PTBP3: variants seen among roughly 807,000 people sequenced by gnomAD.
PTBP3 encodes polypyrimidine tract binding protein 3.
PTBP3 carries 20 observed loss-of-function variants against 58.7 expected under a neutral mutation model. The ratio of observed to expected loss-of-function variants is 0.34; its 90% CI spans 0.24 to 0.50. PTBP3 has a LOEUF of 0.50. PTBP3 is among the 20% of genes least tolerant of loss of function. The pLI, the probability that PTBP3 is intolerant of heterozygous loss-of-function variation, is 0.98. For missense variants in PTBP3, 509 were observed against 637.2 expected (o/e 0.80, Z 2.17); for synonymous variants, 185 against 219.8 (o/e 0.84, Z 1.40).
At chr9:112,344,339 T>C in the PTBP3 span, among the ~76,000 whole-genome samples, 1 of 152,186 alleles carries the variant, frequency 6.6e-6, no homozygotes, top group African/African-American at 2.4e-5. Context: ...TAGGGGGAAT[T>C]AATGCCATTC....
chr9:112,317,914 G>A (rs1014763560), intron 1 of PTBP3, among the ~76,000 whole-genome samples: 4 of 152,176 alleles, frequency 2.6e-5, no homozygotes, highest in African/African-American at 9.7e-5. Context: ...CTGCACTCCA[G>A]CCTGGGTGAC....
chr9:112,309,955 T>C (rs553972213), intron 1 of PTBP3, among the ~76,000 whole-genome samples: 2 of 152,298 alleles, frequency 1.3e-5, no homozygotes, highest in East Asian at 1.9e-4. Flanking sequence ...CCTGTAACTA[T>C]AAACACATCT....
rs1415550725 is a variant in PTBP3 at position 112,324,636 on chromosome 9, C to T, written c.-52+8834G>A. 4.4e-4 allele frequency among the ~76,000 whole-genome samples: 65 copies of T among 149,018 alleles called. 1 individual carries two copies. Among genetic ancestry groups the T allele is most frequent in the Non-Finnish European group, 8.9e-5 (6 of 67,582 alleles). On this transcript the variant is annotated intron_variant, in intron 1 of 13. Coordinates refer to ENST00000374257, the MANE Select transcript of PTBP3 (RefSeq NM_001163788.4). ...CTGCACTCCAGCCTGGGTGACAGAG[C>T]GAGACTACCTCTTTTTTTTTTTTTT...
chr9:112,317,975 C>G (rs961314660), intron 1 of PTBP3, among the ~76,000 whole-genome samples: 2 of 152,034 alleles, frequency 1.3e-5, no homozygotes, highest in Non-Finnish European at 2.9e-5. Context: ...CCATTATGAA[C>G]AACTTTACAT....
At chr9:112,355,971 T>C in the PTBP3 span, among the ~76,000 whole-genome samples, 1 of 151,542 alleles carries the variant, frequency 6.6e-6, no homozygotes, top group Non-Finnish European at 1.5e-5. Flanking sequence ...TTTCTCTTTC[T>C]CCTTCCTTCC....
At chr9:112,264,123 G>A (rs1836706452) in intron 4 of PTBP3, among the ~76,000 whole-genome samples, 1 of 152,086 alleles carries the variant, frequency 6.6e-6, no homozygotes, top group South Asian at 2.1e-4. Context: ...GTATGATCAG[G>A]AAAACAAATT....
intron 7 of PTBP3, among the ~76,000 whole-genome samples, chr9:112,249,436 G>A (rs1446517951): frequency 6.6e-6 from 1 of 152,102 alleles, no homozygotes; most frequent in Non-Finnish European, 1.5e-5. Flanking sequence ...AGCCAGTGAA[G>A]TAGGAAGAAA....
At chr9:112,252,196 A>G (rs893159492) in intron 6 of PTBP3, 1 of 153,800 alleles carries the variant, frequency 6.5e-6, no homozygotes, top group African/African-American at 2.4e-5. Context: ...ACAGGAATAA[A>G]CATTGAATAC....
At chr9:112,235,235 C>A (rs1455682095) in intron 7 of PTBP3, among the ~76,000 whole-genome samples, 1 of 151,960 alleles carries the variant, frequency 6.6e-6, no homozygotes, top group African/African-American at 2.4e-5. Flanking sequence ...GGTAACTATG[C>A]TGATTTAAAA....
At chr9:112,233,838 T>TG (rs1469846987) in intron 8 of PTBP3, among the ~76,000 whole-genome samples, 1 of 151,818 alleles carries the variant, frequency 6.6e-6, no homozygotes, top group Non-Finnish European at 1.5e-5. Context: ...GGCTGAGGCA[T>TG]GAGAATCATT....
intron 1 of PTBP3, among the ~76,000 whole-genome samples, chr9:112,313,268 A>G (rs964291755): frequency 3.3e-5 from 5 of 152,164 alleles, no homozygotes; most frequent in Non-Finnish European, 7.4e-5. Flanking sequence ...GCAGTGATGT[A>G]ATCACAGCTC....
chr9:112,359,465 A>G, the PTBP3 span, among the ~76,000 whole-genome samples: 1 of 151,622 alleles, frequency 6.6e-6, no homozygotes, highest in African/African-American at 2.4e-5. Flanking sequence ...AAAAAGTTTT[A>G]GATGTAAACG....
the PTBP3 span, among the ~76,000 whole-genome samples, chr9:112,349,064 G>C: frequency 5.9e-5 from 9 of 152,270 alleles, no homozygotes; most frequent in East Asian, 1.7e-3. Flanking sequence ...AGTGTCTTTT[G>C]TTATTTATCA....
chr9:112,231,959 GAAGAGAA>G (rs1835228347), intron 9 of PTBP3, 133 bp downstream of exon 9: 1 of 364,506 alleles, frequency 2.7e-6, no homozygotes. Flanking sequence ...GAAGAGAAGA[GAAGAGAA>G]GAGAGAAGAG....
intron 1 of PTBP3, among the ~76,000 whole-genome samples, chr9:112,320,157 A>G (rs991888092): frequency 6.6e-6 from 1 of 151,572 alleles, no homozygotes; most frequent in African/African-American, 2.4e-5. Flanking sequence ...TGCACCCTAT[A>G]GGCCTAGCTA....
At chr9:112,279,665 C>T (rs1404099405) in intron 2 of PTBP3, among the ~76,000 whole-genome samples, 2 of 151,896 alleles carry the variant, frequency 1.3e-5, no homozygotes, top group Non-Finnish European at 2.9e-5. Context: ...CCACCCCAGG[C>T]AATCTGAACC....
chr9:112,326,595 A>G (rs1370817618), intron 1 of PTBP3, among the ~76,000 whole-genome samples: 1 of 152,232 alleles, frequency 6.6e-6, no homozygotes, highest in Non-Finnish European at 1.5e-5. Context: ...CATATATGTG[A>G]GTTTTTCATA....
chr9:112,326,096 A>G (rs1192185142), intron 1 of PTBP3, among the ~76,000 whole-genome samples: 1 of 152,218 alleles, frequency 6.6e-6, no homozygotes, highest in Non-Finnish European at 1.5e-5. Context: ...GAAAGAGGCA[A>G]CAGGGAACTT....
the PTBP3 span, among the ~76,000 whole-genome samples, chr9:112,346,139 C>T: frequency 7.2e-6 from 1 of 139,242 alleles, no homozygotes; most frequent in East Asian, 2.1e-4. Flanking sequence ...GAGATCTTGG[C>T]AAATATAAAA....
Sources: gnomAD v4.1 joint callset for allele counts (sites outside exome capture counted in the v4.1 genomes callset) on GRCh38, gnomAD v4.1.1 for gene constraint, MANE v1.5 for transcripts, NCBI Gene and HGNC (gene_info 2026-07-23, HGNC 2026-07-21) for gene names.